The following UTRN variants were observed in gnomAD, a reference collection of about 807,000 sequenced individuals.
The protein encoded by UTRN is utrophin, also known as dystrophin-related protein 1.
UTRN carries 283 observed loss-of-function variants against 463.9 expected under a neutral mutation model. The ratio of observed to expected loss-of-function variants is 0.61; its 90% CI spans 0.55 to 0.67. The LOEUF is 0.67. Ranked by LOEUF, UTRN falls within the 30% of genes least tolerant of loss-of-function variation. The probability of loss-of-function intolerance (pLI) is 0.00; values close to 1 mark genes in which losing one functional copy is unlikely to be tolerated. For synonymous variants in UTRN, 1,442 were observed against 1,431.5 expected, an observed-to-expected ratio of 1.01 and a Z score of -0.17; for missense variants, 3,922 against 4,084.3, an observed-to-expected ratio of 0.96 and a Z score of 1.08.
rs374685320 is a variant in UTRN at position 144,434,367 on chromosome 6, C to T, written c.856-1568C>T. ...GAGGGGGAGGGGGAGGGAGAGGGAGCGAAGTTTTGAAGGAAGGTCAGAATT... is the reference window on the plus strand; with the variant it reads ...GAGGGGGAGGGGGAGGGAGAGGGAGTGAAGTTTTGAAGGAAGGTCAGAATT... On this transcript the variant is annotated intron_variant, in intron 9 of 74. Transcript: ENST00000367545. 1.5e-4 allele frequency among the ~76,000 whole-genome samples: 23 copies of T among 150,972 alleles called. No individual in the cohort carries two copies. The East Asian group carries it at 2.4e-3, about 15-fold the overall frequency.
At chr6:144,595,633 G>A (rs569511265) in intron 51 of UTRN, among the ~76,000 whole-genome samples, 54 of 152,282 alleles carry the variant, frequency 3.5e-4, no homozygotes, top group African/African-American at 1.2e-3. Flanking sequence ...TAGCCCCTGA[G>A]TCTGCAGCAT....
chr6:144,403,248 T>A, intron 3 of UTRN, 64 bp downstream of exon 3: 1 of 1,466,934 alleles, frequency 6.8e-7, no homozygotes, highest in East Asian at 2.4e-5. Context: ...GGAGTTTGGT[T>A]GGAAGTGCAG....
chr6:144,549,071 G>A (rs1284357002), intron 47 of UTRN, among the ~76,000 whole-genome samples: 1 of 152,142 alleles, frequency 6.6e-6, no homozygotes, highest in African/African-American at 2.4e-5. Context: ...TTAAACTAAA[G>A]ACCCAGTGCA....
At chr6:144,311,528 G>T (rs1806266437) in intron 2 of UTRN, among the ~76,000 whole-genome samples, 1 of 152,224 alleles carries the variant, frequency 6.6e-6, no homozygotes, top group Non-Finnish European at 1.5e-5. Context: ...CAGATCACCA[G>T]CTGTGTGACC....
rs543763990 is a variant in UTRN, at chr6:144,790,999, T to A, written c.8920+1720T>A. ...GTGAAATTTCTGATATTTAATTGAA[T>A]CCAGGAAGTATGCCATTTTAGAACT... On this transcript the variant is annotated intron_variant, in intron 62 of 74. Transcript: ENST00000367545. Among the ~76,000 whole-genome samples the A allele has an allele frequency of 5.9e-3, 892 of 152,322 alleles. 6 individuals carry two copies. The highest frequency in any genetic ancestry group is 0.019 in the African/African-American group (772 of 41,576).
chr6:144,570,956 A>G (rs1800884725), intron 50 of UTRN, among the ~76,000 whole-genome samples: 1 of 152,174 alleles, frequency 6.6e-6, no homozygotes, highest in Non-Finnish European at 1.5e-5. Flanking sequence ...AATAGAATTA[A>G]TCTGTAATGA....
At chr6:144,535,599 G>A (rs1008080493) in intron 43 of UTRN, among the ~76,000 whole-genome samples, 24 of 152,118 alleles carry the variant, frequency 1.6e-4, no homozygotes, top group African/African-American at 5.8e-4. Context: ...AACAATATTT[G>A]TCTTTGTAAA....
chr6:144,670,090 T>G (rs1780851527), intron 51 of UTRN, among the ~76,000 whole-genome samples: 1 of 152,118 alleles, frequency 6.6e-6, no homozygotes, highest in Non-Finnish European at 1.5e-5. Context: ...CTATAAACAT[T>G]CCTGTGTACA....
intron 35 of UTRN, among the ~76,000 whole-genome samples, chr6:144,512,735 T>TG (rs1795286054): frequency 6.6e-6 from 1 of 151,926 alleles, no homozygotes; most frequent in Non-Finnish European, 1.5e-5. Flanking sequence ...GAGAGGGGGT[T>TG]TCACCATGTT....
chr6:144,792,590 T>C (rs1053397932), intron 62 of UTRN, among the ~76,000 whole-genome samples: 1 of 152,158 alleles, frequency 6.6e-6, no homozygotes, highest in Non-Finnish European at 1.5e-5. Context: ...TTTGATCTGA[T>C]ATCAGGTACT....
intron 61 of UTRN, among the ~76,000 whole-genome samples, chr6:144,786,549 G>T (rs1171235150): frequency 6.6e-6 from 1 of 152,100 alleles, no homozygotes; most frequent in Non-Finnish European, 1.5e-5. Flanking sequence ...CTCCCAAAGT[G>T]CTGAGATTAC....
chr6:144,691,178 G>A (rs1355591555), intron 52 of UTRN, among the ~76,000 whole-genome samples: 1 of 152,146 alleles, frequency 6.6e-6, no homozygotes. Flanking sequence ...GTGCGATGGT[G>A]CAATCTTGGC....
At chr6:144,428,167 A>G (rs1261685678) in intron 7 of UTRN, among the ~76,000 whole-genome samples, 1 of 152,222 alleles carries the variant, frequency 6.6e-6, no homozygotes, top group Non-Finnish European at 1.5e-5. Context: ...AGATTAAAAG[A>G]AAATCAAGAT....
chr6:144,297,759 A>G (rs969775505), intron 2 of UTRN, among the ~76,000 whole-genome samples: 2 of 152,306 alleles, frequency 1.3e-5, no homozygotes, highest in African/African-American at 4.8e-5. Flanking sequence ...TTACCTCATT[A>G]TGCTGAAGTA....
intron 52 of UTRN, among the ~76,000 whole-genome samples, chr6:144,681,997 T>C (rs972693308): frequency 9.2e-5 from 14 of 152,184 alleles, no homozygotes; most frequent in Non-Finnish European, 1.8e-4. Flanking sequence ...AATCCAATTA[T>C]ACTTTTTTAG....
In UTRN at chr6:144,542,880, G is replaced by A; in HGVS notation, c.6595+10G>A. 6.2e-6 allele frequency: 10 copies of A among 1,604,908 alleles called. No homozygotes were observed. The highest frequency in any genetic ancestry group is 6.0e-6 in the Non-Finnish European group (7 of 1,175,882). ...CAGACAAGGATTGCTGGTAAGATAT[G>A]TTTATCTTTAACAAAGTTTTTTAAA... On this transcript the variant is annotated intron_variant, in intron 46 of 74. Transcript: ENST00000367545.
chr6:144,712,193 C>T (rs1785796698), intron 53 of UTRN, among the ~76,000 whole-genome samples: 1 of 152,200 alleles, frequency 6.6e-6, no homozygotes, highest in Non-Finnish European at 1.5e-5. Flanking sequence ...AAACGCTCAG[C>T]TCTTTAAGGC....
chr6:144,537,237 T>G (rs1375630533), intron 43 of UTRN, among the ~76,000 whole-genome samples: 1 of 152,074 alleles, frequency 6.6e-6, no homozygotes. Context: ...GATAAAGACA[T>G]TTTTCATGTT....
chr6:144,435,828 C>A, intron 9 of UTRN, 107 bp from the exon 10 acceptor site: 3 of 1,232,284 alleles, frequency 2.4e-6, no homozygotes, highest in Non-Finnish European at 3.4e-6. Flanking sequence ...TGGATTAGTG[C>A]CTAAGACAGA....
Sources: gnomAD v4.1 joint callset for allele counts (sites outside exome capture counted in the v4.1 genomes callset) on GRCh38, gnomAD v4.1.1 for gene constraint, MANE v1.5 for transcripts, NCBI Gene and HGNC (gene_info 2026-07-23, HGNC 2026-07-21) for gene names.